The following CMBL variants were observed in gnomAD, a reference collection of about 807,000 sequenced individuals.
The protein encoded by CMBL is carboxymethylenebutenolidase homolog, also known as carboxymethylenebutenolidase homolog (Pseudomonas).
CMBL carries 17 observed loss-of-function variants against 28.7 expected under a neutral mutation model. That is an observed-to-expected ratio of 0.59 (90% CI 0.41 to 0.89). The LOEUF is 0.89. Ranked by LOEUF, CMBL falls within the 40% of genes least tolerant of loss-of-function variation. The pLI is 0.00. For synonymous variants in CMBL, 106 were observed against 101.6 expected (o/e 1.04, Z -0.26); for missense variants, 310 against 298.5 (o/e 1.04, Z -0.28).
intron 2 of CMBL, 96 bp downstream of exon 2, chr5:10,290,452 A>G: frequency 2.0e-6 from 2 of 984,020 alleles, no homozygotes; most frequent in African/African-American, 1.6e-5. Flanking sequence ...TAGATACTGT[A>G]TAGTCAGACC....
intron 5 of CMBL, among the ~76,000 whole-genome samples, 175 bp downstream of exon 5, chr5:10,282,022 C>T (rs761944749): frequency 6.6e-4 from 100 of 151,828 alleles, no homozygotes; most frequent in East Asian, 2.5e-3. Context: ...TACCCAGGTG[C>T]GGTGGTGGGC....
intron 3 of CMBL, among the ~76,000 whole-genome samples, chr5:10,287,590 C>T (rs1384394093): frequency 6.6e-6 from 1 of 152,082 alleles, no homozygotes; most frequent in Non-Finnish European, 1.5e-5. Flanking sequence ...ATAGATGGTG[C>T]TCATAAAAAT....
intron 4 of CMBL, among the ~76,000 whole-genome samples, chr5:10,285,699 TC>T (rs1294221495): frequency 3.4e-5 from 3 of 87,072 alleles, no homozygotes; most frequent in Admixed American, 1.2e-4. Context: ...TCTTTCTTTT[TC>T]TTTTTTTTTT....
At chr5:10,291,471 GCTAACA>G (rs1746715522) in intron 1 of CMBL, among the ~76,000 whole-genome samples, 1 of 152,006 alleles carries the variant, frequency 6.6e-6, no homozygotes, top group African/African-American at 2.4e-5. Flanking sequence ...GACCATCCTG[GCTAACA>G]CGGTGAAACC....
rs113456062 is a variant in CMBL, at chr5:10,290,720, T to C, written c.43A>G (p.Arg15Gly). ...AYPCPCDIGH[R>G]LEYGGLGREV... is the part of the protein sequence containing the mutation. ...CGGCCTAGCCCTCCATACTCAAGTC[T>C]GTGGCCAATGTCACACGGACAAGGA... The change falls in exon 2 of 6, where the codon AGA becomes GGA. Residue 15 changes from arginine to glycine, a missense_variant. Physicochemically the swap from Arg to Gly is moderately radical, Grantham distance 125. Transcript: ENST00000296658. 1.9e-6 allele frequency: 3 copies of C among 1,614,138 alleles called. No individual in the cohort carries two copies. The African/African-American group carries it at 4.0e-5, about 22-fold the overall frequency.
chr5:10,280,647 A>G lies in CMBL; in HGVS notation c.559-15T>C, dbSNP rs1746483272. On this transcript the variant is annotated splice_polypyrimidine_tract_variant and intron_variant, in intron 5 of 5. Transcript: ENST00000296658. The stretch of plus-strand genomic sequence containing the variant: ...AGCAAAGATACCTGGTGTGCAAAAG[A>G]TTTCATGATTTTAACCCTTTAGTGA... 1 of 1,584,660 alleles carries G rather than the reference A, an allele frequency of 6.3e-7. No homozygotes were observed. Among genetic ancestry groups the G allele is most frequent in the Non-Finnish European group, 8.6e-7 (1 of 1,157,180 alleles).
In CMBL at chr5:10,280,404, C is replaced by T; in HGVS notation, c.*49G>A. On this transcript the variant is annotated 3_prime_UTR_variant, in exon 6 of 6. Transcript: ENST00000296658. ...ATCAAATGATCTAACTATTTCCAAG[C>T]AAATTTTGGGATGAAAGCTATTCTA... The T allele has an allele frequency of 7.0e-7, 1 of 1,426,008 alleles. No individual in the cohort carries two copies. Among genetic ancestry groups the T allele is most frequent in the Non-Finnish European group, 9.5e-7 (1 of 1,056,040 alleles). 88.3% of individuals were successfully genotyped at this position (1,426,008 alleles called of 1,614,324 possible).
At chr5:10,299,445 T>C (rs1352307707) in intron 1 of CMBL, among the ~76,000 whole-genome samples, 2 of 152,018 alleles carry the variant, frequency 1.3e-5, no homozygotes, top group Non-Finnish European at 1.5e-5. Context: ...TGGGAGGGCA[T>C]GTGAAATGAT....
At chr5:10,292,429 C>T (rs973805200) in intron 1 of CMBL, among the ~76,000 whole-genome samples, 2 of 152,166 alleles carry the variant, frequency 1.3e-5, no homozygotes, top group African/African-American at 4.8e-5. Flanking sequence ...CCAGGTTGGT[C>T]TCAAACTCCT....
At chr5:10,300,012 T>C (rs1220575570) in intron 1 of CMBL, among the ~76,000 whole-genome samples, 1 of 152,200 alleles carries the variant, frequency 6.6e-6, no homozygotes, top group Non-Finnish European at 1.5e-5. Flanking sequence ...TTGAATTGTA[T>C]TCCCCCAAAA....
At position 10,288,487 on chromosome 5, in the gene CMBL, G is replaced by A. The variant is rs1372390573; in HGVS notation, c.258C>T (p.Asp86=). Residue 86 remains aspartate (D), a synonymous_variant, in exon 3 of 6, where the codon GAC becomes GAT. Transcript: ENST00000296658. The stretch of plus-strand genomic sequence containing the variant: ...GGAAGATAGACCAGTCGCCAGAGGG[G>A]TCCCAAGGCTCTTGCCCTACAAAGA... ...PDFFVGQEPW[D]PSGDWSIFPE... 3.7e-6 allele frequency: 6 copies of A among 1,614,030 alleles called. No individual in the cohort carries two copies. Among genetic ancestry groups the A allele is most frequent in the Non-Finnish European group, 5.1e-6 (6 of 1,179,932 alleles).
chr5:10,290,155 G>T (rs368092749), intron 2 of CMBL, among the ~76,000 whole-genome samples: 9 of 152,186 alleles, frequency 5.9e-5, no homozygotes, highest in Non-Finnish European at 1.0e-4. Flanking sequence ...ACACCCTGCC[G>T]TCCAAATGGG....
chr5:10,302,380 T>G (rs932967612), intron 1 of CMBL, among the ~76,000 whole-genome samples: 1 of 151,924 alleles, frequency 6.6e-6, no homozygotes, highest in African/African-American at 2.4e-5. Context: ...GCTCAGTGGC[T>G]CATGCCTATA....
intron 1 of CMBL, among the ~76,000 whole-genome samples, chr5:10,300,097 G>GCT (rs1334817142): frequency 6.6e-6 from 1 of 152,228 alleles, no homozygotes; most frequent in Admixed American, 6.5e-5. Context: ...CAGATGTCCT[G>GCT]TAGTTAAGAT....
At position 10,277,674 on chromosome 5, in the gene CMBL, T is replaced by C. The variant is rs570500146; in HGVS notation, c.*2779A>G. 2.0e-5 allele frequency among the ~76,000 whole-genome samples: 3 copies of C among 152,298 alleles called. No individual in the cohort carries two copies. The highest frequency in any genetic ancestry group is 1.9e-4 in the East Asian group (1 of 5,194). On this transcript the variant is annotated 3_prime_UTR_variant, in exon 6 of 6. Coordinates refer to ENST00000296658, the MANE Select transcript of CMBL (RefSeq NM_138809.4). The stretch of plus-strand genomic sequence containing the variant: ...GAAAAAAGCTAAAGTTGCCATTTTT[T>C]CCCTTTACCTTCATTTATCTGTTTG...
intron 1 of CMBL, 87 bp from the exon 2 acceptor site, chr5:10,290,868 G>GA (rs1020357708): frequency 2.5e-5 from 26 of 1,031,092 alleles, no homozygotes; most frequent in Middle Eastern, 2.4e-4. Context: ...CAAGATTATA[G>GA]AAAAAAATTC....
rs568358756 is a variant in CMBL at position 10,282,434 on chromosome 5, C to T, written c.467-146G>A. Reference sequence around the variant, plus strand: ...TTTTCAAAGTAAAATCTCTGCTTTGCGGACTTTATTTTCTTTTTTAGCCAT... The same window carrying T: ...TTTTCAAAGTAAAATCTCTGCTTTGTGGACTTTATTTTCTTTTTTAGCCAT... On this transcript the variant is annotated intron_variant, in intron 4 of 5. Coordinates refer to ENST00000296658, the MANE Select transcript of CMBL (RefSeq NM_138809.4). The T allele has an allele frequency of 8.5e-6, 5 of 589,422 alleles. No individual in the cohort carries two copies. The East Asian group carries it at 8.9e-5, about 11-fold the overall frequency. The allele number at this position is 589,422 out of a possible 1,614,324, so 36.5% of individuals were successfully genotyped here.
intron 3 of CMBL, among the ~76,000 whole-genome samples, chr5:10,287,989 C>T (rs374324140): frequency 6.6e-6 from 1 of 151,376 alleles, no homozygotes; most frequent in African/African-American, 2.4e-5. Context: ...CCTCAGCCTG[C>T]CAAAGTGCTG....
intron 1 of CMBL, among the ~76,000 whole-genome samples, chr5:10,299,285 C>T (rs894899259): frequency 7.2e-5 from 11 of 152,062 alleles, no homozygotes; most frequent in Non-Finnish European, 1.3e-4. Context: ...CAAAAAAGTA[C>T]ACCTGAATGG....
Sources: allele counts gnomAD v4.1 joint callset (sites outside exome capture counted in the v4.1 genomes callset), GRCh38; gene constraint gnomAD v4.1.1; transcripts MANE v1.5; gene names NCBI Gene and HGNC (gene_info 2026-07-23, HGNC 2026-07-21).